Variants in ITPK1 observed in about 807,000 individuals in gnomAD.
ITPK1 encodes inositol-tetrakisphosphate 1-kinase.
In ITPK1, 21 loss-of-function variants were observed where a neutral mutation model predicts 45.3. The ratio of observed to expected loss-of-function variants is 0.46; its 90% CI spans 0.33 to 0.67. ITPK1 has a LOEUF of 0.67. Among genes scored for constraint, ITPK1 ranks in the 30% least tolerant of loss-of-function variants. The pLI, the probability that ITPK1 is intolerant of heterozygous loss-of-function variation, is 0.02. For synonymous variants in ITPK1, 258 were observed against 253.6 expected (o/e 1.02, Z -0.16); for missense variants, 474 against 573.5 (o/e 0.83, Z 1.77).
chr14:93,094,488 C>T (rs998815782), intron 2 of ITPK1, among the ~76,000 whole-genome samples: 2 of 152,160 alleles, frequency 1.3e-5, no homozygotes, highest in Non-Finnish European at 2.9e-5. Context: ...CCCTGGGAGC[C>T]GGGTGAAGCC....
At chr14:93,042,955 T>C (rs1328674579) in intron 3 of ITPK1, among the ~76,000 whole-genome samples, 1 of 150,594 alleles carries the variant, frequency 6.6e-6, no homozygotes, top group Non-Finnish European at 1.5e-5. Context: ...GAGGCGGAGG[T>C]TGTAGTGAGC....
chr14:93,081,719 G>A (rs1891440463), intron 2 of ITPK1, among the ~76,000 whole-genome samples: 1 of 152,226 alleles, frequency 6.6e-6, no homozygotes, highest in East Asian at 1.9e-4. Context: ...AGAGGAGTAA[G>A]GTGAGTCCTG....
At position 93,036,514 on chromosome 14, in the gene ITPK1, T is replaced by C. The variant is rs1278994704; in HGVS notation, c.121-19713A>G. 1.3e-5 allele frequency among the ~76,000 whole-genome samples: 2 copies of C among 151,448 alleles called. No homozygotes were observed. The highest frequency in any genetic ancestry group is 2.9e-5 in the Non-Finnish European group (2 of 67,834). On this transcript the variant is annotated intron_variant, in intron 3 of 10. Transcript: ENST00000267615. The surrounding 1 kb of genome is among the most constrained non-coding windows in gnomAD (Gnocchi z 4.1). ...AGGCTGGTGGGAGCACGTGCCCCATTTGACCCCCACGGCTCTTGCTGTTTG... is the reference window on the plus strand; with the variant it reads ...AGGCTGGTGGGAGCACGTGCCCCATCTGACCCCCACGGCTCTTGCTGTTTG...
intron 2 of ITPK1, among the ~76,000 whole-genome samples, chr14:93,081,763 G>A (rs1891442855): frequency 6.6e-6 from 1 of 152,206 alleles, no homozygotes; most frequent in Non-Finnish European, 1.5e-5. Flanking sequence ...GGCTCTGGAA[G>A]CTTAAAGCCC....
chr14:93,099,792 G>A (rs1006140717), intron 2 of ITPK1, among the ~76,000 whole-genome samples: 2 of 152,022 alleles, frequency 1.3e-5, no homozygotes, highest in African/African-American at 4.8e-5. Flanking sequence ...ACCCCAAGCA[G>A]AGGTGCCCAG....
In ITPK1 at chr14:92,965,692, C is replaced by T. The variant is rs575335204; in HGVS notation, c.365-2843G>A. 2.0e-5 allele frequency among the ~76,000 whole-genome samples: 3 copies of T among 152,308 alleles called. No individual in the cohort carries two copies. In the South Asian group the frequency reaches 6.2e-4, roughly 32 times the overall value. On this transcript the variant is annotated intron_variant, in intron 5 of 10. Transcript: ENST00000267615. ...GATCAATATATGATAAGCAACTGTA[C>T]TTTTTTAATTTTTAAAAATTATATT... is the stretch of plus-strand genomic sequence containing the variant.
intron 10 of ITPK1, among the ~76,000 whole-genome samples, chr14:92,945,811 G>A (rs1887657318): frequency 6.6e-6 from 1 of 152,164 alleles, no homozygotes; most frequent in Non-Finnish European, 1.5e-5. Flanking sequence ...GCTGGCAGCA[G>A]GGAACAGACT....
chr14:92,980,028 G>A (rs200596176), intron 5 of ITPK1, among the ~76,000 whole-genome samples: 5 of 152,016 alleles, frequency 3.3e-5, no homozygotes, highest in East Asian at 3.9e-4. Flanking sequence ...CGATCCACCC[G>A]CCTCAGCCTC....
chr14:93,062,232 T>A (rs1323032913), intron 3 of ITPK1, among the ~76,000 whole-genome samples: 1 of 151,892 alleles, frequency 6.6e-6, no homozygotes, highest in Non-Finnish European at 1.5e-5. Context: ...GATCGAGCCA[T>A]TGCACTCCAG....
chr14:93,070,751 T>A (rs1263651202), intron 3 of ITPK1: 1 of 152,594 alleles, frequency 6.6e-6, no homozygotes, highest in African/African-American at 2.4e-5. Flanking sequence ...TCACAGAGAG[T>A]TGAAGGGGCC....
intron 5 of ITPK1, among the ~76,000 whole-genome samples, chr14:92,987,194 T>C (rs1486453037): frequency 1.3e-5 from 2 of 152,188 alleles, no homozygotes; most frequent in Non-Finnish European, 2.9e-5. Context: ...AAGCTCTCAC[T>C]ACTCTCCAGG....
At chr14:93,110,714 C>A (rs1441729947) in intron 2 of ITPK1, among the ~76,000 whole-genome samples, 1 of 152,152 alleles carries the variant, frequency 6.6e-6, no homozygotes, top group African/African-American at 2.4e-5. Context: ...CAAAAGGGTC[C>A]CTGGTGGGAT....
intron 5 of ITPK1, among the ~76,000 whole-genome samples, chr14:92,966,957 G>A (rs138425919): frequency 1.6e-4 from 24 of 152,344 alleles, no homozygotes; most frequent in African/African-American, 5.5e-4. Context: ...AACTGATCAT[G>A]ATCTCATTAT....
At chr14:93,114,912 G>A (rs1163386607) in intron 2 of ITPK1, among the ~76,000 whole-genome samples, 157 bp downstream of exon 2, 1 of 151,738 alleles carries the variant, frequency 6.6e-6, no homozygotes, top group Non-Finnish European at 1.5e-5. Flanking sequence ...GGCCGCCACC[G>A]CCACCTGGCT....
intron 3 of ITPK1, among the ~76,000 whole-genome samples, chr14:93,044,525 T>G (rs1023965425): frequency 6.6e-6 from 1 of 152,072 alleles, no homozygotes; most frequent in East Asian, 1.9e-4. Flanking sequence ...TGGCAGCAGA[T>G]GGAAACTCTG....
chr14:93,026,336 A>G (rs1207340230), intron 3 of ITPK1, among the ~76,000 whole-genome samples: 4 of 152,240 alleles, frequency 2.6e-5, no homozygotes, highest in African/African-American at 9.6e-5. Context: ...TGAACAAAAG[A>G]TATGTTTGAA....
intron 5 of ITPK1, among the ~76,000 whole-genome samples, chr14:92,992,566 G>A (rs375016437): frequency 9.2e-5 from 14 of 152,300 alleles, no homozygotes; most frequent in Admixed American, 5.2e-4. Context: ...GAGGCCTCGG[G>A]AGCCCTTCCA....
intron 3 of ITPK1, among the ~76,000 whole-genome samples, chr14:93,018,454 C>A (rs1171487967): frequency 6.6e-6 from 1 of 152,152 alleles, no homozygotes; most frequent in East Asian, 1.9e-4. Flanking sequence ...CGGAACGCAG[C>A]AGCTCTTGTC....
intron 3 of ITPK1, among the ~76,000 whole-genome samples, chr14:93,020,684 C>G (rs1888421138): frequency 1.3e-5 from 2 of 152,160 alleles, no homozygotes; most frequent in Admixed American, 1.3e-4. Context: ...CTGCTCTTCC[C>G]CCACGGTATC....
Sources: allele counts gnomAD v4.1 joint callset (sites outside exome capture counted in the v4.1 genomes callset), GRCh38; gene constraint gnomAD v4.1.1; non-coding constraint Gnocchi (gnomAD v3.1); transcripts MANE v1.5; gene names NCBI Gene and HGNC (gene_info 2026-07-23, HGNC 2026-07-21).